Variants in MELK observed in about 807,000 individuals in gnomAD.
The protein encoded by MELK is pEg3 kinase.
MELK carries 81 observed loss-of-function variants against 85.0 expected under a neutral mutation model. The ratio of observed to expected loss-of-function variants is 0.95; its 90% CI spans 0.80 to 1.15. MELK has a LOEUF of 1.15. Ranked by LOEUF, MELK falls within the 50% of genes most tolerant of loss-of-function variation. The pLI is 0.00. For missense variants in MELK, 754 were observed against 777.5 expected (o/e 0.97, Z 0.36); for synonymous variants, 252 against 265.0 (o/e 0.95, Z 0.48).
In MELK at chr9:36,665,508, G is replaced by T. The variant is rs533788949; in HGVS notation, c.1335G>T (p.Lys445Asn). ...AGTACTTTATGTTTCCTGAGCCAAA[G>T]ACTCCAGTTAATAAGAACCAGCATA... is the stretch of plus-strand genomic sequence containing the variant. ...NEEYFMFPEP[K>N]TPVNKNQHKR... is the part of the protein sequence containing the mutation. The change falls in exon 14 of 18, where the codon AAG becomes AAT. Residue 445 changes from lysine to asparagine, a missense_variant. By Grantham distance (94) the Lys-to-Asn change is moderately conservative (BLOSUM62 0). Coordinates refer to ENST00000298048, the MANE Select transcript of MELK (RefSeq NM_014791.4). The T allele has an allele frequency of 1.9e-6, 3 of 1,613,880 alleles. No individual in the cohort carries two copies. In the South Asian group the frequency reaches 3.3e-5, roughly 18 times the overall value.
At chr9:36,586,846 T>C (rs1822966592) in intron 3 of MELK, among the ~76,000 whole-genome samples, 1 of 152,132 alleles carries the variant, frequency 6.6e-6, no homozygotes, top group Non-Finnish European at 1.5e-5. Context: ...TTTTGATTAC[T>C]TCCATGGTTT....
intron 3 of MELK, among the ~76,000 whole-genome samples, chr9:36,588,125 C>T (rs138265463): frequency 1.1e-4 from 16 of 150,636 alleles, no homozygotes; most frequent in Admixed American, 4.0e-4. Context: ...GGATCGATCT[C>T]GGCTCACCGC....
At chr9:36,667,146 C>T (rs1317335699) in intron 14 of MELK, among the ~76,000 whole-genome samples, 1 of 149,466 alleles carries the variant, frequency 6.7e-6, no homozygotes, top group East Asian at 1.9e-4. Context: ...TTTTTTTCCC[C>T]TTTTTTTCTT....
intron 8 of MELK, among the ~76,000 whole-genome samples, chr9:36,625,608 G>T (rs1195655416): frequency 1.3e-5 from 2 of 152,124 alleles, no homozygotes; most frequent in Non-Finnish European, 2.9e-5. Flanking sequence ...TAAATTCAAG[G>T]CTTCATTGCT....
Position 36,675,102 on chromosome 9 carries a change from A to G in MELK, c.1778+165A>G, listed in dbSNP as rs201802043. On this transcript the variant is annotated intron_variant, in intron 17 of 17. Coordinates refer to ENST00000298048, the MANE Select transcript of MELK (RefSeq NM_014791.4). The stretch of plus-strand genomic sequence containing the variant: ...AGAGTTCAAGTTCAGCCTGGCCAAC[A>G]TGGAGAAGCCCTGTCTCTACTGAAA... Among the ~76,000 whole-genome samples, 264 of 152,290 alleles carry G rather than the reference A, an allele frequency of 1.7e-3. 1 individual carries two copies. The highest frequency in any genetic ancestry group is 3.7e-3 in the East Asian group (19 of 5,184).
intron 6 of MELK, among the ~76,000 whole-genome samples, 163 bp from the exon 7 acceptor site, chr9:36,599,231 G>C (rs1255807317): frequency 6.7e-6 from 1 of 149,976 alleles, no homozygotes; most frequent in Non-Finnish European, 1.5e-5. Flanking sequence ...AACCCAGGAG[G>C]CAGAGGTTGC....
At chr9:36,577,834 G>A (rs932883455) in intron 1 of MELK, among the ~76,000 whole-genome samples, 2 of 151,570 alleles carry the variant, frequency 1.3e-5, no homozygotes, top group African/African-American at 4.8e-5. Flanking sequence ...TATATTTTTA[G>A]TAGAGACGGG....
chr9:36,610,936 C>G (rs534316303), intron 8 of MELK, among the ~76,000 whole-genome samples: 3 of 152,082 alleles, frequency 2.0e-5, no homozygotes, highest in Non-Finnish European at 2.9e-5. Flanking sequence ...GGTTGAGTAT[C>G]CCTAATCTGA....
chr9:36,620,039 C>G (rs1332884572), intron 8 of MELK, among the ~76,000 whole-genome samples: 1 of 152,186 alleles, frequency 6.6e-6, no homozygotes, highest in Non-Finnish European at 1.5e-5. Flanking sequence ...TATTGTCTTC[C>G]TCTTACAGAT....
chr9:36,628,680 AGTGCTGG>A (rs1196770210), intron 8 of MELK, among the ~76,000 whole-genome samples: 3 of 151,758 alleles, frequency 2.0e-5, no homozygotes, highest in African/African-American at 7.3e-5. Context: ...AGCCTCCCAA[AGTGCTGG>A]GATTACAGGC....
At chr9:36,630,692 C>A (rs1828481396) in intron 9 of MELK, among the ~76,000 whole-genome samples, 1 of 152,198 alleles carries the variant, frequency 6.6e-6, no homozygotes, top group African/African-American at 2.4e-5. Flanking sequence ...CCTTAGAAGA[C>A]CCTCAGGTTG....
intron 8 of MELK, among the ~76,000 whole-genome samples, chr9:36,613,211 G>T (rs767753238): frequency 6.6e-6 from 1 of 152,144 alleles, no homozygotes; most frequent in Non-Finnish European, 1.5e-5. Context: ...GTTTTCTCCC[G>T]GAGAGATGCT....
intron 8 of MELK, among the ~76,000 whole-genome samples, chr9:36,625,918 G>A (rs1401932232): frequency 6.6e-6 from 1 of 151,862 alleles, no homozygotes; most frequent in African/African-American, 2.4e-5. Flanking sequence ...AAAAAATTAT[G>A]AAGGGTTACA....
chr9:36,654,045 G>T (rs1830979106), intron 12 of MELK, among the ~76,000 whole-genome samples: 1 of 152,132 alleles, frequency 6.6e-6, no homozygotes, highest in African/African-American at 2.4e-5. Flanking sequence ...CTAGTCTGTT[G>T]TTGGAGAGTT....
At chr9:36,611,907 G>A (rs1182690542) in intron 8 of MELK, among the ~76,000 whole-genome samples, 1 of 151,786 alleles carries the variant, frequency 6.6e-6, no homozygotes, top group African/African-American at 2.4e-5. Context: ...CAAGTAGCTG[G>A]GACTACAGGT....
chr9:36,642,845 G>C (rs1307979989), intron 10 of MELK, 152 bp from the exon 11 acceptor site: 1 of 610,988 alleles, frequency 1.6e-6, no homozygotes, highest in East Asian at 3.1e-5. Flanking sequence ...AAAGATTATA[G>C]AGAATATTGA....
At chr9:36,666,906 T>TGTGA (rs1294435206) in intron 14 of MELK, among the ~76,000 whole-genome samples, 2 of 124,802 alleles carry the variant, frequency 1.6e-5, no homozygotes, top group African/African-American at 5.9e-5. Context: ...TGTGTGTGTG[T>TGTGA]GATGGTGTGT....
rs532644141 is a variant in MELK at position 36,575,129 on chromosome 9, T to C, written c.-39+2122T>C. Reference sequence around the variant, plus strand: ...GCCTGGGCAAGAGAGCAAGACTCCGTCTCAAAAACAAAAACAAAAACAAAA... The same window carrying C: ...GCCTGGGCAAGAGAGCAAGACTCCGCCTCAAAAACAAAAACAAAAACAAAA... On this transcript the variant is annotated intron_variant, in intron 1 of 17. Coordinates refer to ENST00000298048, the MANE Select transcript of MELK (RefSeq NM_014791.4). Among the ~76,000 whole-genome samples, 12 of 152,276 alleles carry C rather than the reference T, an allele frequency of 7.9e-5. No homozygotes were observed. In the East Asian group the frequency reaches 2.3e-3, roughly 29 times the overall value.
At position 36,607,554 on chromosome 9, in the gene MELK, CT is replaced by C; in HGVS notation, c.568-16del. 3 of 1,556,222 alleles carry C rather than the reference CT, an allele frequency of 1.9e-6. No individual in the cohort carries two copies. Among genetic ancestry groups the C allele is most frequent in the Non-Finnish European group, 2.7e-6 (3 of 1,130,486 alleles). Reference sequence around the variant, plus strand: ...TTGAATTTTTGTTTCAGTAATTTTTCTTTTTCCCTCTTTCTCTCAGGCAGAT... The same window carrying C: ...TTGAATTTTTGTTTCAGTAATTTTTCTTTTCCCTCTTTCTCTCAGGCAGAT... On this transcript the variant is annotated intron_variant, in intron 7 of 17. Transcript: ENST00000298048.
Sources: allele counts gnomAD v4.1 joint callset (sites outside exome capture counted in the v4.1 genomes callset), GRCh38; gene constraint gnomAD v4.1.1; transcripts MANE v1.5; gene names NCBI Gene and HGNC (gene_info 2026-07-23, HGNC 2026-07-21).